The following DMKN variants were observed in gnomAD, a reference collection of about 807,000 sequenced individuals.
The protein encoded by DMKN is dermokine.
A neutral mutation model predicts 67.6 loss-of-function variants in DMKN; 58 were observed. That is an observed-to-expected ratio of 0.86 (90% CI 0.69 to 1.07). The LOEUF (loss-of-function observed/expected upper bound fraction) is 1.07, where lower values mean the gene tolerates loss of function less well. Among genes scored for constraint, DMKN ranks in the 50% least tolerant of loss-of-function variants. The probability of loss-of-function intolerance (pLI) is 0.00; values close to 1 mark genes in which losing one functional copy is unlikely to be tolerated. For missense variants in DMKN, 596 were observed against 601.5 expected (o/e 0.99, Z 0.10); for synonymous variants, 240 against 232.3 (o/e 1.03, Z -0.30).
chr19:35,502,428 G>T (rs534915249), intron 10 of DMKN, among the ~76,000 whole-genome samples: 1 of 152,118 alleles, frequency 6.6e-6, no homozygotes, highest in Admixed American at 6.5e-5. Flanking sequence ...GGCTGGGCGC[G>T]GTGGCTCACG....
At position 35,513,340 on chromosome 19, in the gene DMKN, C is replaced by T. The variant is rs746914699; in HGVS notation, c.136G>A (p.Ala46Thr). 1.2e-5 allele frequency: 20 copies of T among 1,613,956 alleles called. No homozygotes were observed. Among genetic ancestry groups the T allele is most frequent in the African/African-American group, 5.3e-5 (4 of 74,942 alleles). Reference protein sequence around the residue: ...GEALGHGLGDALSEGVGKAIG... With the variant: ...GEALGHGLGDTLSEGVGKAIG... ...GCCTTTCCCACCCCTTCGCTCAGGG[C>T]GTCTCCCAGGCCATGTCCAAGGGCC... Residue 46 changes from alanine (A) to threonine (T), a missense_variant, in exon 1 of 16, where the codon GCC becomes ACC. By Grantham distance (58) the Ala-to-Thr change is moderately conservative. Coordinates refer to ENST00000339686, the MANE Select transcript of DMKN (RefSeq NM_033317.5).
intron 8 of DMKN, 51 bp downstream of exon 8, chr19:35,505,888 A>C: frequency 6.2e-7 from 1 of 1,614,010 alleles, no homozygotes; most frequent in South Asian, 1.1e-5. Flanking sequence ...GGCCAAGGGC[A>C]GGGGTTGGTT....
intron 9 of DMKN, 36 bp from the exon 10 acceptor site, chr19:35,502,922 G>T: frequency 6.3e-7 from 1 of 1,598,340 alleles, no homozygotes; most frequent in Non-Finnish European, 8.5e-7. Context: ...TTAGCAGAGA[G>T]CCTGGGCCCA....
chr19:35,500,113 G>A (rs2068101534), intron 12 of DMKN, 84 bp from the exon 13 acceptor site: 2 of 1,492,354 alleles, frequency 1.3e-6, no homozygotes, highest in South Asian at 2.3e-5. Context: ...TTCCTGCCTG[G>A]ACCAGACCTT....
intron 12 of DMKN, 163 bp downstream of exon 12, chr19:35,500,370 T>C (rs1245198705): frequency 1.3e-6 from 2 of 1,551,614 alleles, no homozygotes; most frequent in Non-Finnish European, 1.7e-6. Flanking sequence ...CCATGGTAGA[T>C]GTCTCACCTT....
At chr19:35,507,673 C>T (rs966804939) in intron 7 of DMKN, 12 of 615,636 alleles carry the variant, frequency 1.9e-5, no homozygotes, top group African/African-American at 3.7e-5. Flanking sequence ...GTCCTTCTCT[C>T]GGGGAAGTTC....
At chr19:35,510,428 G>A in intron 5 of DMKN, 176 bp from the exon 6 acceptor site, 1 of 1,552,386 alleles carries the variant, frequency 6.4e-7, no homozygotes, top group Non-Finnish European at 8.7e-7. Context: ...TTCCGAGCAT[G>A]GAGAAGGCCA....
intron 7 of DMKN, chr19:35,507,116 C>T (rs190173487): frequency 5.3e-5 from 11 of 209,402 alleles, no homozygotes; most frequent in African/African-American, 1.9e-4. Flanking sequence ...AGCTGGCTTT[C>T]GAAACCTCAT....
intron 9 of DMKN, chr19:35,503,587 TGCCTCA>T: frequency 1.7e-6 from 2 of 1,209,592 alleles, no homozygotes; most frequent in South Asian, 1.5e-5. Context: ...GCGATTCTCC[TGCCTCA>T]GCCTCCCAAG....
At chr19:35,501,813 C>A in intron 11 of DMKN, 2 of 1,561,118 alleles carry the variant, frequency 1.3e-6, no homozygotes, top group Non-Finnish European at 1.7e-6. Context: ...GTGCACCCTG[C>A]GGTACCCACC....
chr19:35,501,572 C>A (rs2068367129), intron 11 of DMKN, among the ~76,000 whole-genome samples: 1 of 152,160 alleles, frequency 6.6e-6, no homozygotes. Flanking sequence ...TCTCAGTGCC[C>A]ACGGGTCCTG....
chr19:35,509,504 T>G (rs1320253631), intron 7 of DMKN: 1 of 160,390 alleles, frequency 6.2e-6, no homozygotes, highest in Non-Finnish European at 1.4e-5. Flanking sequence ...TCCGTGACAC[T>G]AACTCTCAGC....
chr19:35,510,539 G>A (rs1296293532), intron 5 of DMKN: 3 of 1,535,900 alleles, frequency 2.0e-6, no homozygotes, highest in Non-Finnish European at 2.6e-6. Context: ...CGGCCGCGCA[G>A]TAGCCGCGAT....
intron 3 of DMKN, among the ~76,000 whole-genome samples, 180 bp from the exon 4 acceptor site, chr19:35,511,993 CTT>C (rs11285451): frequency 0.046 from 5,150 of 112,796 alleles, 124 homozygotes; most frequent in African/African-American, 0.13. Flanking sequence ...TCTCTTCCTC[CTT>C]TTTTTTTTTT....
intron 7 of DMKN, chr19:35,509,616 G>T: frequency 2.9e-6 from 1 of 347,338 alleles, no homozygotes; most frequent in Non-Finnish European, 5.3e-6. Context: ...TCTGTTCCCC[G>T]GCTGGATAGA....
chr19:35,509,787 C>T lies in DMKN; in HGVS notation c.1038+124G>A, dbSNP rs574186843. On this transcript the variant is annotated intron_variant, in intron 7 of 15. Coordinates refer to ENST00000339686, the MANE Select transcript of DMKN (RefSeq NM_033317.5). ...TAGGAGTGCATTTGGTTTCTTCTGC[C>T]GAAATAGTCAGTTCCCTGCAGACAA... 41 of 1,170,908 alleles carry T rather than the reference C, an allele frequency of 3.5e-5. 1 individual carries two copies. The South Asian group carries it at 5.2e-4, about 15-fold the overall frequency. The allele number at this position is 1,170,908 out of a possible 1,614,324, so 72.5% of individuals were successfully genotyped here.
At chr19:35,499,080 T>A in intron 13 of DMKN, 183 bp from the exon 14 acceptor site, 2 of 758,864 alleles carry the variant, frequency 2.6e-6, no homozygotes, top group Non-Finnish European at 2.1e-6. Flanking sequence ...TTTATCATCC[T>A]GAGTGCACTT....
chr19:35,511,798 G>T lies in DMKN; in HGVS notation c.700C>A (p.Pro234Thr). 1 of 1,613,424 alleles carries T rather than the reference G, an allele frequency of 6.2e-7. No individual in the cohort carries two copies. The change falls in exon 4 of 16, where the codon CCA becomes ACA. Residue 234 changes from proline to threonine, a missense_variant. By Grantham distance (38) the Pro-to-Thr change is conservative (BLOSUM62 -1). Coordinates refer to ENST00000339686, the MANE Select transcript of DMKN (RefSeq NM_033317.5). The stretch of plus-strand genomic sequence containing the variant: ...CTGGAGCCTCCACCTGAGCCAGATG[G>T]TGGGGGATTCGTGCACTGTCGAGGG... The part of the protein sequence containing the change: ...NQNEGCTNPP[P>T]SGSGGGSSNS...
At chr19:35,501,875 G>A (rs2068446961) in intron 11 of DMKN, 1 of 1,585,954 alleles carries the variant, frequency 6.3e-7, no homozygotes. Context: ...CAGGAGCAGA[G>A]CAGAGGCAGT....
Sources: allele counts gnomAD v4.1 joint callset (sites outside exome capture counted in the v4.1 genomes callset), GRCh38; gene constraint gnomAD v4.1.1; transcripts MANE v1.5; gene names NCBI Gene and HGNC (gene_info 2026-07-23, HGNC 2026-07-21).